The following GALNT17 variants were observed in gnomAD, a reference collection of about 807,000 sequenced individuals.
GALNT17 encodes the protein UDP-GalNAc:polypeptide N-acetylgalactosaminyltransferase-like 3.
GALNT17 carries 29 observed loss-of-function variants against 63.7 expected under a neutral mutation model. The ratio of observed to expected loss-of-function variants is 0.46; its 90% CI spans 0.34 to 0.62. GALNT17 has a LOEUF of 0.62. Among genes scored for constraint, GALNT17 ranks in the 20% least tolerant of loss-of-function variants. GALNT17 has a pLI of 0.01. For synonymous variants in GALNT17, 305 were observed against 318.3 expected, an observed-to-expected ratio of 0.96 and a Z score of 0.45; for missense variants, 603 against 799.6, an observed-to-expected ratio of 0.75 and a Z score of 2.97.
chr7:71,568,842 A>G (rs1789391041), intron 5 of GALNT17, among the ~76,000 whole-genome samples: 1 of 152,172 alleles, frequency 6.6e-6, no homozygotes, highest in Non-Finnish European at 1.5e-5. Flanking sequence ...TGATTTTTCT[A>G]ATTTACAATG....
rs148958834 is a variant in GALNT17 at position 71,699,631 on chromosome 7, G to A, written c.1501-11130G>A. 3.9e-3 allele frequency among the ~76,000 whole-genome samples: 597 copies of A among 152,230 alleles called. 7 individuals are homozygous for A. Among genetic ancestry groups the A allele is most frequent in the African/African-American group, 0.013 (529 of 41,552 alleles). On this transcript the variant is annotated intron_variant, in intron 9 of 10. Transcript: ENST00000333538. ...AACAAACTAGCCTGTAGATCAAAAT[G>A]CGTTATTAAAGATGAATGCGGCCTG...
chr7:71,161,067 CTG>C (rs544065066), intron 1 of GALNT17, among the ~76,000 whole-genome samples: 34 of 152,146 alleles, frequency 2.2e-4, no homozygotes, highest in African/African-American at 7.2e-4. Context: ...TCTCGAACTC[CTG>C]GGCTCAAGTG....
chr7:71,638,106 T>C (rs1343684918), intron 6 of GALNT17, among the ~76,000 whole-genome samples: 1 of 152,230 alleles, frequency 6.6e-6, no homozygotes, highest in Non-Finnish European at 1.5e-5. Context: ...GGTAACTTCC[T>C]GACATTGCTG....
At chr7:71,674,540 C>T (rs894342268) in intron 8 of GALNT17, among the ~76,000 whole-genome samples, 1 of 151,794 alleles carries the variant, frequency 6.6e-6, no homozygotes, top group Non-Finnish European at 1.5e-5. Flanking sequence ...TTTTGAGACA[C>T]AGCCTTGCTC....
chr7:71,700,159 C>T (rs1361467251), intron 9 of GALNT17, among the ~76,000 whole-genome samples: 1 of 151,478 alleles, frequency 6.6e-6, no homozygotes, highest in African/African-American at 2.4e-5. Flanking sequence ...CAACAAAAAA[C>T]TAGCCAGGCA....
chr7:71,569,916 G>A (rs765506141), intron 5 of GALNT17, among the ~76,000 whole-genome samples: 15 of 152,150 alleles, frequency 9.9e-5, no homozygotes, highest in Non-Finnish European at 1.5e-4. Context: ...TTGTTTGGTT[G>A]AATGGTAGTT....
chr7:71,396,012 G>T (rs551696469), intron 3 of GALNT17, among the ~76,000 whole-genome samples: 22 of 151,952 alleles, frequency 1.4e-4, no homozygotes, highest in Non-Finnish European at 2.8e-4. Context: ...CAAATATTCT[G>T]CAACCAATTT....
chr7:71,142,587 A>G (rs541575057), intron 1 of GALNT17, among the ~76,000 whole-genome samples: 5 of 152,340 alleles, frequency 3.3e-5, no homozygotes, highest in Non-Finnish European at 5.9e-5. Context: ...TTACTTAGGC[A>G]TTGTGGAATA....
intron 5 of GALNT17, among the ~76,000 whole-genome samples, chr7:71,457,780 A>G (rs1227143756): frequency 3.9e-5 from 6 of 152,124 alleles, no homozygotes; most frequent in Non-Finnish European, 2.9e-5. Context: ...CAAAGTTTTT[A>G]TGACCTGTAT....
intron 1 of GALNT17, among the ~76,000 whole-genome samples, chr7:71,298,955 C>T (rs1160754708): frequency 6.6e-6 from 1 of 152,148 alleles, no homozygotes; most frequent in Non-Finnish European, 1.5e-5. Flanking sequence ...CATTGATGGG[C>T]ACACGAGGGT....
chr7:71,397,173 A>G (rs1368797628), intron 3 of GALNT17, among the ~76,000 whole-genome samples: 1 of 152,040 alleles, frequency 6.6e-6, no homozygotes, highest in Non-Finnish European at 1.5e-5. Flanking sequence ...CTCTTTTCCT[A>G]CCATGTCAAG....
intron 1 of GALNT17, among the ~76,000 whole-genome samples, chr7:71,197,497 C>A (rs563807907): frequency 6.6e-6 from 1 of 151,782 alleles, no homozygotes; most frequent in African/African-American, 2.4e-5. Flanking sequence ...CATGAGACAC[C>A]GCGCCTGGCC....
chr7:71,596,327 T>C (rs768052860), intron 6 of GALNT17, among the ~76,000 whole-genome samples: 15 of 152,020 alleles, frequency 9.9e-5, no homozygotes, highest in Non-Finnish European at 2.2e-4. Context: ...CGTGAGCCAC[T>C]GCACCTGGCC....
intron 6 of GALNT17, among the ~76,000 whole-genome samples, chr7:71,580,596 C>A (rs1243956717): frequency 6.6e-6 from 1 of 152,078 alleles, no homozygotes; most frequent in Non-Finnish European, 1.5e-5. Context: ...TCAGGAAAAG[C>A]TGGTGAGGAG....
chr7:71,476,058 G>C (rs1787717817), intron 5 of GALNT17, among the ~76,000 whole-genome samples: 1 of 152,058 alleles, frequency 6.6e-6, no homozygotes, highest in Admixed American at 6.5e-5. Flanking sequence ...TTCTTGGCTT[G>C]TTCTTTTCAC....
chr7:71,181,868 C>A lies in GALNT17; in HGVS notation c.238+48828C>A, dbSNP rs1481957089. ...CTCCAGCCTGGGTGACAGAATGAGACCCTGACTCTTAAAAGGAAAAAAAAA... is the reference window on the plus strand; with the variant it reads ...CTCCAGCCTGGGTGACAGAATGAGAACCTGACTCTTAAAAGGAAAAAAAAA... On this transcript the variant is annotated intron_variant, in intron 1 of 10. Coordinates refer to ENST00000333538, the MANE Select transcript of GALNT17 (RefSeq NM_022479.3). Among the ~76,000 whole-genome samples the A allele has an allele frequency of 2.2e-5, 3 of 137,784 alleles. No individual in the cohort carries two copies. The East Asian group carries it at 6.4e-4, about 29-fold the overall frequency. The allele number at this position is 137,784 out of a possible 152,430, so 90.4% of individuals were successfully genotyped here.
At chr7:71,617,446 C>T (rs1033422690) in intron 6 of GALNT17, among the ~76,000 whole-genome samples, 3 of 151,540 alleles carry the variant, frequency 2.0e-5, no homozygotes, top group African/African-American at 4.9e-5. Context: ...CTCAGCCTCC[C>T]GAGTAGCTGG....
At chr7:71,215,759 T>C (rs1310461434) in intron 1 of GALNT17, among the ~76,000 whole-genome samples, 1 of 152,182 alleles carries the variant, frequency 6.6e-6, no homozygotes, top group Non-Finnish European at 1.5e-5. Flanking sequence ...GTATTTGCTA[T>C]AAACTGCTGG....
chr7:71,166,104 G>T (rs570443136), intron 1 of GALNT17, among the ~76,000 whole-genome samples: 69 of 152,286 alleles, frequency 4.5e-4, no homozygotes, highest in Admixed American at 1.0e-3. Flanking sequence ...TGACTTCATC[G>T]TTCAAATGCA....
Sources: allele counts gnomAD v4.1 joint callset (sites outside exome capture counted in the v4.1 genomes callset), GRCh38; gene constraint gnomAD v4.1.1; transcripts MANE v1.5; gene names NCBI Gene and HGNC (gene_info 2026-07-23, HGNC 2026-07-21).